The following EPM2A variants were observed in gnomAD, a reference collection of about 807,000 sequenced individuals.
EPM2A encodes laforin.
EPM2A carries 21 observed loss-of-function variants against 26.5 expected under a neutral mutation model. The ratio of observed to expected loss-of-function variants is 0.79; its 90% CI spans 0.56 to 1.14. EPM2A has a LOEUF of 1.14. Ranked by LOEUF, EPM2A falls within the 50% of genes most tolerant of loss-of-function variation. The pLI, the probability that EPM2A is intolerant of heterozygous loss-of-function variation, is 0.00. For synonymous variants in EPM2A, 217 were observed against 177.6 expected, an observed-to-expected ratio of 1.22 and a Z score of -1.76; for missense variants, 458 against 440.8, an observed-to-expected ratio of 1.04 and a Z score of -0.35.
intron 4 of EPM2A, among the ~76,000 whole-genome samples, chr6:145,432,929 T>C (rs1489049035): frequency 6.6e-6 from 1 of 152,214 alleles, no homozygotes; most frequent in Non-Finnish European, 1.5e-5. Context: ...CTTCTTTCTT[T>C]AAACCTGGTG....
At chr6:145,661,423 C>T (rs977866898) in intron 2 of EPM2A, among the ~76,000 whole-genome samples, 1 of 152,220 alleles carries the variant, frequency 6.6e-6, no homozygotes, top group Non-Finnish European at 1.5e-5. Flanking sequence ...AACCCCACTG[C>T]TCTATCCTGA....
intron 2 of EPM2A, among the ~76,000 whole-genome samples, chr6:145,523,261 G>A (rs1345324607): frequency 6.6e-6 from 1 of 152,046 alleles, no homozygotes; most frequent in East Asian, 1.9e-4. Context: ...TAGTGATATG[G>A]GTTCACATAC....
intron 2 of EPM2A, among the ~76,000 whole-genome samples, chr6:145,546,299 A>G (rs1394257748): frequency 1.3e-5 from 2 of 152,158 alleles, no homozygotes; most frequent in African/African-American, 4.8e-5. Context: ...TGAAGGTGGA[A>G]GAAGATAGGT....
intron 3 of EPM2A, chr6:145,632,201 T>C (rs1365688296): frequency 6.6e-6 from 1 of 152,238 alleles, no homozygotes; most frequent in Non-Finnish European, 1.5e-5. Flanking sequence ...TGACAAGGCT[T>C]TAGCCCAGTT....
intron 2 of EPM2A, among the ~76,000 whole-genome samples, chr6:145,535,037 T>A (rs545745523): frequency 6.6e-6 from 1 of 152,240 alleles, no homozygotes; most frequent in Non-Finnish European, 1.5e-5. Context: ...TCGCTCTTCA[T>A]CTTTTTATCT....
intron 4 of EPM2A, among the ~76,000 whole-genome samples, chr6:145,443,695 G>A (rs981100049): frequency 1.3e-5 from 2 of 152,054 alleles, no homozygotes; most frequent in Non-Finnish European, 2.9e-5. Flanking sequence ...ATATGGTTTG[G>A]CTCTGTGTCC....
chr6:145,600,250 A>G (rs1781400194), intron 2 of EPM2A, among the ~76,000 whole-genome samples: 1 of 152,032 alleles, frequency 6.6e-6, no homozygotes, highest in Non-Finnish European at 1.5e-5. Flanking sequence ...TTATTGTTTC[A>G]GGTGGGTTTG....
Position 145,690,521 on chromosome 6 carries a change from G to GA in EPM2A, c.302-4226dup, listed in dbSNP as rs145052340. Among the ~76,000 whole-genome samples the GA allele has an allele frequency of 4.1e-3, 353 of 86,998 alleles. 5 individuals carry two copies. Among genetic ancestry groups the GA allele is most frequent in the African/African-American group, 0.01 (239 of 23,148 alleles). The allele number at this position is 86,998 out of a possible 152,430, so 57.1% of individuals were successfully genotyped here. ...GACAGAGCGAGACTCCGTCTCAAAA[G>GA]AAAAAAAAAAAAAAAAAAAAAAGAG... On this transcript the variant is annotated intron_variant, in intron 1 of 3. Transcript: ENST00000367519.
intron 2 of EPM2A, among the ~76,000 whole-genome samples, chr6:145,516,673 G>A (rs1780131566): frequency 6.6e-6 from 1 of 152,090 alleles, no homozygotes; most frequent in East Asian, 1.9e-4. Context: ...GAAGTATATG[G>A]CCAGAGAAAT....
At chr6:145,655,303 C>T (rs1253283554) in intron 2 of EPM2A, among the ~76,000 whole-genome samples, 1 of 151,988 alleles carries the variant, frequency 6.6e-6, no homozygotes, top group East Asian at 1.9e-4. Context: ...GTCCAAATGA[C>T]CTAGAGAAGT....
intron 2 of EPM2A, among the ~76,000 whole-genome samples, chr6:145,520,870 G>T (rs933431193): frequency 6.6e-6 from 1 of 152,144 alleles, no homozygotes; most frequent in Non-Finnish European, 1.5e-5. Flanking sequence ...AGACTTAAAA[G>T]ACATGAAGAG....
Position 145,489,781 on chromosome 6 carries a change from G to A in EPM2A, c.555+12741C>T, listed in dbSNP as rs182709616. 5.0e-5 allele frequency: 72 copies of A among 1,441,610 alleles called. No individual in the cohort carries two copies. In the East Asian group the frequency reaches 1.1e-3, roughly 23 times the overall value. The allele number at this position is 1,441,610 out of a possible 1,614,324, so 89.3% of individuals were successfully genotyped here. ...GCTTGGCTAGGTTCTCTCTTCTCTC[G>A]GTTCATAGATTTCTGGGGTCACGTG... On this transcript the variant is annotated intron_variant, in intron 4 of 4. Coordinates refer to the EPM2A transcript ENST00000638717.
chr6:145,649,544 C>G (rs938295732), intron 2 of EPM2A, among the ~76,000 whole-genome samples: 2 of 152,106 alleles, frequency 1.3e-5, no homozygotes, highest in Non-Finnish European at 2.9e-5. Context: ...GACCAGTTAG[C>G]TTTTGGTTGT....
At chr6:145,604,260 G>T (rs1781454245) in intron 2 of EPM2A, among the ~76,000 whole-genome samples, 1 of 152,048 alleles carries the variant, frequency 6.6e-6, no homozygotes, top group Non-Finnish European at 1.5e-5. Context: ...GGGAATTTTA[G>T]AAATATTATT....
chr6:145,477,393 T>C (rs182679446), intron 4 of EPM2A, among the ~76,000 whole-genome samples: 33 of 151,898 alleles, frequency 2.2e-4, no homozygotes, highest in Non-Finnish European at 3.8e-4. Flanking sequence ...TTCCAAAAAA[T>C]TGAGGAGTAA....
chr6:145,637,500 T>C (rs1160019589), intron 2 of EPM2A: 1 of 152,080 alleles, frequency 6.6e-6, no homozygotes, highest in Non-Finnish European at 1.5e-5. Flanking sequence ...TGTGTTCTTG[T>C]CTAAAGGGTT....
chr6:145,412,847 G>A (rs1028254832), intron 4 of EPM2A, among the ~76,000 whole-genome samples: 1 of 152,136 alleles, frequency 6.6e-6, no homozygotes, highest in African/African-American at 2.4e-5. Flanking sequence ...GCCCTGAGAT[G>A]GTAGGCTTTG....
intron 2 of EPM2A, among the ~76,000 whole-genome samples, chr6:145,608,497 T>C (rs1477671252): frequency 6.6e-6 from 1 of 152,202 alleles, no homozygotes; most frequent in African/African-American, 2.4e-5. Flanking sequence ...TCCCTTTCAT[T>C]TGTTTCACCC....
At chr6:145,406,657 C>T (rs1201528004) in intron 4 of EPM2A, among the ~76,000 whole-genome samples, 2 of 152,150 alleles carry the variant, frequency 1.3e-5, no homozygotes, top group Admixed American at 1.3e-4. Flanking sequence ...TGGTCAGAGA[C>T]TGGATTTTCA....
Sources: gnomAD v4.1 joint callset for allele counts (sites outside exome capture counted in the v4.1 genomes callset) on GRCh38, gnomAD v4.1.1 for gene constraint, MANE v1.5 for transcripts, NCBI Gene and HGNC (gene_info 2026-07-23, HGNC 2026-07-21) for gene names.